Variants in CYP39A1 observed in about 807,000 individuals in gnomAD.
The protein encoded by CYP39A1 is 24-hydroxycholesterol 7-alpha-hydroxylase.
In CYP39A1, 49 loss-of-function variants were observed where a neutral mutation model predicts 58.1. The ratio of observed to expected loss-of-function variants is 0.84; its 90% CI spans 0.67 to 1.07. The LOEUF (loss-of-function observed/expected upper bound fraction) is 1.07, where lower values mean the gene tolerates loss of function less well. CYP39A1 is among the 50% of genes least tolerant of loss of function. CYP39A1 has a pLI of 0.00. For missense variants in CYP39A1, 531 were observed against 539.4 expected (o/e 0.98, Z 0.16); for synonymous variants, 209 against 187.6 (o/e 1.11, Z -0.93).
chr6:46,598,323 A>G (rs141831200), intron 7 of CYP39A1, among the ~76,000 whole-genome samples: 1 of 152,334 alleles, frequency 6.6e-6, no homozygotes, highest in African/African-American at 2.4e-5. Context: ...TATATAAATT[A>G]GGATACAGAT....
intron 7 of CYP39A1, among the ~76,000 whole-genome samples, chr6:46,600,700 C>CA (rs1261251908): frequency 1.3e-5 from 2 of 152,178 alleles, no homozygotes; most frequent in Non-Finnish European, 2.9e-5. Flanking sequence ...CGGAGGGTAA[C>CA]ACACCCAACT....
chr6:46,573,404 G>T (rs564347488), intron 10 of CYP39A1, among the ~76,000 whole-genome samples: 2 of 152,162 alleles, frequency 1.3e-5, no homozygotes, highest in South Asian at 4.1e-4. Flanking sequence ...ACAGGACTGT[G>T]GGGGTCCTCA....
chr6:46,625,707 T>C (rs1218104451), intron 6 of CYP39A1, among the ~76,000 whole-genome samples, 199 bp from the exon 7 acceptor site: 1 of 151,990 alleles, frequency 6.6e-6, no homozygotes. Context: ...AGAAGCCAGA[T>C]TTAAATTTTT....
chr6:46,619,712 A>G (rs763933838), intron 7 of CYP39A1, among the ~76,000 whole-genome samples: 1 of 152,092 alleles, frequency 6.6e-6, no homozygotes, highest in African/African-American at 2.4e-5. Flanking sequence ...CTCTCCTAAT[A>G]TCTTCTGGAT....
At chr6:46,622,794 G>C (rs1250804726) in intron 7 of CYP39A1, among the ~76,000 whole-genome samples, 1 of 152,034 alleles carries the variant, frequency 6.6e-6, no homozygotes, top group East Asian at 1.9e-4. Flanking sequence ...AAATAATTGG[G>C]GCTAAGCAAG....
chr6:46,634,488 T>C (rs981293470), intron 5 of CYP39A1, among the ~76,000 whole-genome samples: 5 of 151,770 alleles, frequency 3.3e-5, no homozygotes, highest in Admixed American at 2.0e-4. Flanking sequence ...TCTAGAGGTA[T>C]TGTTGGTAGG....
At chr6:46,636,299 T>A in intron 5 of CYP39A1, 90 bp downstream of exon 5, 1 of 900,082 alleles carries the variant, frequency 1.1e-6, no homozygotes, top group Non-Finnish European at 1.7e-6. Flanking sequence ...TGGTATCTAA[T>A]CAATCTCATG....
intron 7 of CYP39A1, among the ~76,000 whole-genome samples, chr6:46,613,875 A>C (rs1020927142): frequency 6.6e-6 from 1 of 151,112 alleles, no homozygotes; most frequent in African/African-American, 2.4e-5. Context: ...TACGCTGTCA[A>C]TTAATCTTTT....
At chr6:46,576,800 A>T (rs1771871152) in intron 10 of CYP39A1, among the ~76,000 whole-genome samples, 1 of 152,230 alleles carries the variant, frequency 6.6e-6, no homozygotes, top group Non-Finnish European at 1.5e-5. Flanking sequence ...TAAAGAAAAA[A>T]TAATTTATAA....
chr6:46,570,346 T>C (rs564134669), intron 10 of CYP39A1, among the ~76,000 whole-genome samples: 70 of 152,314 alleles, frequency 4.6e-4, no homozygotes, highest in African/African-American at 1.5e-3. Context: ...TGCTTTGAGC[T>C]TTATTTCCAT....
At chr6:46,551,390 A>G (rs1224948082) in intron 11 of CYP39A1, among the ~76,000 whole-genome samples, 1 of 150,510 alleles carries the variant, frequency 6.6e-6, no homozygotes, top group Non-Finnish European at 1.5e-5. Flanking sequence ...AAAAACAACC[A>G]TACAAAGAAA....
intron 1 of CYP39A1, among the ~76,000 whole-genome samples, chr6:46,643,251 T>C (rs997889256): frequency 6.8e-4 from 103 of 152,332 alleles, no homozygotes; most frequent in African/African-American, 2.4e-3. Context: ...TCCATGACTC[T>C]ATCATCAAAA....
At chr6:46,642,538 T>C (rs1368442845) in intron 1 of CYP39A1, among the ~76,000 whole-genome samples, 1 of 152,198 alleles carries the variant, frequency 6.6e-6, no homozygotes, top group African/African-American at 2.4e-5. Flanking sequence ...TATAGCTTCT[T>C]TTCTTGTACT....
intron 11 of CYP39A1, among the ~76,000 whole-genome samples, chr6:46,550,966 T>C (rs1465088859): frequency 6.6e-6 from 1 of 152,108 alleles, no homozygotes; most frequent in Non-Finnish European, 1.5e-5. Context: ...ATTCTGACTT[T>C]TTTCGCCCGA....
At position 46,638,105 on chromosome 6, in the gene CYP39A1, G is replaced by A. The variant is rs184775672; in HGVS notation, c.489-127C>T. ...GATAATAGGTGACAGATTCTCTTGG[G>A]AAAAAGTCACTCTTAAGAAGTTTTG... On this transcript the variant is annotated intron_variant, in intron 3 of 11. Coordinates refer to ENST00000275016, the MANE Select transcript of CYP39A1 (RefSeq NM_016593.5). 459 of 926,850 alleles carry A rather than the reference G, an allele frequency of 5.0e-4. 3 individuals are homozygous for A. In the East Asian group the frequency reaches 0.011, roughly 23 times the overall value. 57.4% of individuals were successfully genotyped at this position (926,850 alleles called of 1,614,324 possible). A position where few individuals can be genotyped will look rare whatever the true frequency, so the allele number is the denominator to read the frequency against.
intron 10 of CYP39A1, among the ~76,000 whole-genome samples, chr6:46,586,066 T>G (rs1235721870): frequency 1.3e-5 from 2 of 152,116 alleles, no homozygotes; most frequent in South Asian, 4.1e-4. Flanking sequence ...GAATAATGCC[T>G]AAAATGAGGA....
intron 10 of CYP39A1, among the ~76,000 whole-genome samples, chr6:46,584,318 AT>A (rs2150506475): frequency 6.6e-6 from 1 of 152,206 alleles, no homozygotes; most frequent in Non-Finnish European, 1.5e-5. Context: ...TGATATATAT[AT>A]TTTGACACAC....
At chr6:46,595,844 C>T in intron 8 of CYP39A1, 143 bp downstream of exon 8, 1 of 789,400 alleles carries the variant, frequency 1.3e-6, no homozygotes, top group South Asian at 2.0e-5. Flanking sequence ...TTCAAAACCA[C>T]ATGTTGTACA....
At chr6:46,605,188 GTA>G (rs2150538216) in intron 7 of CYP39A1, among the ~76,000 whole-genome samples, 1 of 152,260 alleles carries the variant, frequency 6.6e-6, no homozygotes, top group South Asian at 2.1e-4. Flanking sequence ...CTGCCTAGCA[GTA>G]TATATGAGAA....
Sources: allele counts gnomAD v4.1 joint callset (sites outside exome capture counted in the v4.1 genomes callset), GRCh38; gene constraint gnomAD v4.1.1; transcripts MANE v1.5; gene names NCBI Gene and HGNC (gene_info 2026-07-23, HGNC 2026-07-21).